The following ZNF136 variants were observed in gnomAD, a reference collection of about 807,000 sequenced individuals.
ZNF136 encodes zinc finger protein 136.
ZNF136 carries 8 observed loss-of-function variants against 11.4 expected under a neutral mutation model. The observed-to-expected ratio is 0.70, with a 90% CI of 0.41 to 1.27. The LOEUF (loss-of-function observed/expected upper bound fraction) is 1.27, where lower values mean the gene tolerates loss of function less well. ZNF136 is among the 50% of genes most tolerant of loss of function. The probability of loss-of-function intolerance (pLI) is 0.01; values close to 1 mark genes in which losing one functional copy is unlikely to be tolerated. For missense variants in ZNF136, 590 were observed against 656.5 expected, an observed-to-expected ratio of 0.90 and a Z score of 1.11; for synonymous variants, 190 against 207.1, an observed-to-expected ratio of 0.92 and a Z score of 0.71.
At position 12,179,562 on chromosome 19, in the gene ZNF136, C is replaced by T. The variant is rs372092891; in HGVS notation, c.4-6223C>T. Among the ~76,000 whole-genome samples, 39 of 152,204 alleles carry T rather than the reference C, an allele frequency of 2.6e-4. No individual in the cohort carries two copies. In the East Asian group the frequency reaches 5.4e-3, roughly 21 times the overall value. On this transcript the variant is annotated intron_variant, in intron 1 of 3. Transcript: ENST00000343979. ...CTGACCTCAGGTGGTCTGCCAGCCT[C>T]GGCCTCCCAAAGTGCTGGGATTACA...
chr19:12,171,392 A>G (rs540290865), intron 1 of ZNF136, among the ~76,000 whole-genome samples: 437 of 152,286 alleles, frequency 2.9e-3, no homozygotes, highest in Admixed American at 5.1e-3. Flanking sequence ...CCATGTATGC[A>G]TGTGTATTTA....
rs1915194412 is a variant in ZNF136 at position 12,189,174 on chromosome 19, T to C, written c.*1173T>C. 1 of 152,214 alleles carries C rather than the reference T, an allele frequency of 6.6e-6. No individual in the cohort carries two copies. Among genetic ancestry groups the C allele is most frequent in the Non-Finnish European group, 1.5e-5 (1 of 68,036 alleles). The allele number at this position is 152,214 out of a possible 1,614,324, so 9.4% of individuals were successfully genotyped here. ...TTTCTCATATTCAGGTATGTTAAAT[T>C]GTATATGGTTGCTTAATTGTTCTGT... On this transcript the variant is annotated 3_prime_UTR_variant, in exon 4 of 4. Coordinates refer to ENST00000343979, the MANE Select transcript of ZNF136 (RefSeq NM_003437.5).
chr19:12,187,656 T>G lies in ZNF136; in HGVS notation c.1278T>G (p.Gly426=). Residue 426 remains glycine, a synonymous_variant, in exon 4 of 4, where the codon GGT becomes GGG. Coordinates refer to ENST00000343979, the MANE Select transcript of ZNF136 (RefSeq NM_003437.5). ...GEKPYVCKHC[G]KAFVSSTSIR... is the part of the protein sequence containing the mutation. Reference sequence around the variant, plus strand: ...AACCTTATGTATGTAAACATTGTGGTAAAGCTTTCGTTTCTTCAACATCAA... The same window carrying G: ...AACCTTATGTATGTAAACATTGTGGGAAAGCTTTCGTTTCTTCAACATCAA... 1 of 1,614,028 alleles carries G rather than the reference T, an allele frequency of 6.2e-7. No individual in the cohort carries two copies. Among genetic ancestry groups the G allele is most frequent in the Non-Finnish European group, 8.5e-7 (1 of 1,179,986 alleles).
rs575677822 is a variant in ZNF136 at position 12,177,337 on chromosome 19, T to C, written c.4-8448T>C. Among the ~76,000 whole-genome samples, 46 of 152,284 alleles carry C rather than the reference T, an allele frequency of 3.0e-4. No individual in the cohort carries two copies. The South Asian group carries it at 9.3e-3, about 31-fold the overall frequency. On this transcript the variant is annotated intron_variant, in intron 1 of 3. Coordinates refer to ENST00000343979, the MANE Select transcript of ZNF136 (RefSeq NM_003437.5). ...GCTACGTCCCACTTAAGTATAGAAG[T>C]TTTTGTTTGTTTGTTTTTGTTTTGA...
intron 1 of ZNF136, among the ~76,000 whole-genome samples, chr19:12,165,396 T>G (rs1198486938): frequency 6.6e-6 from 1 of 152,190 alleles, no homozygotes; most frequent in African/African-American, 2.4e-5. Context: ...AGCTTGAGTA[T>G]TTCATTTAGT....
At chr19:12,173,020 CA>C (rs1165040556) in intron 1 of ZNF136, among the ~76,000 whole-genome samples, 1 of 151,666 alleles carries the variant, frequency 6.6e-6, no homozygotes, top group Non-Finnish European at 1.5e-5. Flanking sequence ...CAAAAAAAAA[CA>C]AAAAAATTCC....
At chr19:12,175,683 A>G (rs748198325) in intron 1 of ZNF136, among the ~76,000 whole-genome samples, 6 of 152,206 alleles carry the variant, frequency 3.9e-5, no homozygotes, top group Non-Finnish European at 7.3e-5. Context: ...TCTAGCCTAC[A>G]TTAGAATTTA....
chr19:12,173,076 G>A (rs1394001612), intron 1 of ZNF136, among the ~76,000 whole-genome samples: 1 of 152,112 alleles, frequency 6.6e-6, no homozygotes, highest in African/African-American at 2.4e-5. Context: ...CAGGTAGGTG[G>A]AACTATTTGT....
chr19:12,168,677 C>A (rs1599451916), intron 1 of ZNF136, among the ~76,000 whole-genome samples: 1 of 151,714 alleles, frequency 6.6e-6, no homozygotes, highest in East Asian at 1.9e-4. Context: ...GTTCTTGGGT[C>A]ATCCTTTTTT....
rs1159316624 is a variant in ZNF136 at position 12,185,678 on chromosome 19, A to G, written c.4-107A>G. 4 of 1,416,228 alleles carry G rather than the reference A, an allele frequency of 2.8e-6. No homozygotes were observed. In the African/African-American group the frequency reaches 4.3e-5, roughly 15 times the overall value. The allele number at this position is 1,416,228 out of a possible 1,614,324, so 87.7% of individuals were successfully genotyped here. On this transcript the variant is annotated intron_variant, in intron 1 of 3. Transcript: ENST00000343979. ...AGTATGATGACCAAACAGTGGAGTA[A>G]ATGTTTGCAGACCCCTGAAACATGT...
chr19:12,169,893 G>C (rs1303619102), intron 1 of ZNF136, among the ~76,000 whole-genome samples: 6 of 150,688 alleles, frequency 4.0e-5, no homozygotes, highest in South Asian at 2.1e-4. Flanking sequence ...CTCCCGGGTT[G>C]ACGCCATTCT....
chr19:12,170,042 C>T lies in ZNF136; in HGVS notation c.3+6836C>T, dbSNP rs1035989030. Reference sequence around the variant, plus strand: ...ATCTCCTGACCTCGTGATCTGCCCACCTTGGCCTCCCAAAGTGCTGGGATT... The same window carrying T: ...ATCTCCTGACCTCGTGATCTGCCCATCTTGGCCTCCCAAAGTGCTGGGATT... On this transcript the variant is annotated intron_variant, in intron 1 of 3. Coordinates refer to ENST00000343979, the MANE Select transcript of ZNF136 (RefSeq NM_003437.5). Among the ~76,000 whole-genome samples the T allele has an allele frequency of 3.3e-5, 5 of 149,568 alleles. No individual in the cohort carries two copies. In the South Asian group the frequency reaches 1.1e-3, roughly 32 times the overall value.
intron 1 of ZNF136, among the ~76,000 whole-genome samples, chr19:12,167,869 A>G (rs1360674884): frequency 6.6e-6 from 1 of 152,144 alleles, no homozygotes; most frequent in East Asian, 1.9e-4. Flanking sequence ...GTTGAGTTTT[A>G]CTCAAGCCCT....
Position 12,188,038 on chromosome 19 carries a change from C to G in ZNF136, c.*37C>G. 3 of 1,459,464 alleles carry G rather than the reference C, an allele frequency of 2.1e-6. No individual in the cohort carries two copies. In the South Asian group the frequency reaches 4.8e-5, roughly 23 times the overall value. The allele number at this position is 1,459,464 out of a possible 1,614,324, so 90.4% of individuals were successfully genotyped here. Reference sequence around the variant, plus strand: ...CATGTCAGATACATTAAAATACTCACTGAAGAGAAGCCCTATGAATGTAAG... The same window carrying G: ...CATGTCAGATACATTAAAATACTCAGTGAAGAGAAGCCCTATGAATGTAAG... On this transcript the variant is annotated 3_prime_UTR_variant, in exon 4 of 4. Transcript: ENST00000343979.
chr19:12,186,523 T>C, intron 3 of ZNF136, 47 bp from the exon 4 acceptor site: 1 of 1,436,020 alleles, frequency 7.0e-7, no homozygotes, highest in Non-Finnish European at 9.4e-7. Context: ...GCTATTAATA[T>C]AAAATGATTA....
intron 1 of ZNF136, among the ~76,000 whole-genome samples, chr19:12,180,025 C>T (rs1480039734): frequency 6.6e-6 from 1 of 152,122 alleles, no homozygotes; most frequent in East Asian, 1.9e-4. Flanking sequence ...GCCACCACAC[C>T]CGGCTAATTT....
intron 1 of ZNF136, among the ~76,000 whole-genome samples, chr19:12,178,717 G>A (rs972001310): frequency 8.5e-5 from 13 of 152,258 alleles, no homozygotes; most frequent in Admixed American, 5.2e-4. Context: ...CAGGCGGGGA[G>A]GGGTGGCTCA....
At chr19:12,178,989 A>G (rs1401231853) in intron 1 of ZNF136, among the ~76,000 whole-genome samples, 2 of 151,970 alleles carry the variant, frequency 1.3e-5, no homozygotes, top group African/African-American at 2.4e-5. Context: ...ACTCTGTCTC[A>G]CAAAAGAAAA....
chr19:12,163,202 A>C lies in ZNF136; in HGVS notation c.-2A>C. The C allele has an allele frequency of 7.1e-7, 1 of 1,401,906 alleles. No homozygotes were observed. The highest frequency in any genetic ancestry group is 9.3e-7 in the Non-Finnish European group (1 of 1,071,548). The allele number at this position is 1,401,906 out of a possible 1,614,324, so 86.8% of individuals were successfully genotyped here. A position where few individuals can be genotyped will look rare whatever the true frequency, so the allele number is the denominator to read the frequency against. On this transcript the variant is annotated 5_prime_UTR_variant, in exon 1 of 4. Coordinates refer to ENST00000343979, the MANE Select transcript of ZNF136 (RefSeq NM_003437.5). ...GAAGCTGGGACACCCGGGAGTCAGG[A>C]AATGGTGAGTGTGTCGGGCCCTGCG... is the stretch of plus-strand genomic sequence containing the variant.
Sources: gnomAD v4.1 joint callset for allele counts (sites outside exome capture counted in the v4.1 genomes callset) on GRCh38, gnomAD v4.1.1 for gene constraint, MANE v1.5 for transcripts, NCBI Gene and HGNC (gene_info 2026-07-23, HGNC 2026-07-21) for gene names.